Variants in LPIN2 observed in about 807,000 individuals in gnomAD.
LPIN2 encodes the protein phosphatidate phosphatase LPIN2.
Under a neutral mutation model 111.4 loss-of-function variants are expected in LPIN2, and 55 were observed. That is an observed-to-expected ratio of 0.49 (90% CI 0.40 to 0.62). The LOEUF is 0.62. Among genes scored for constraint, LPIN2 ranks in the 20% least tolerant of loss-of-function variants. The pLI is 0.00. For synonymous variants in LPIN2, 425 were observed against 414.0 expected (o/e 1.03, Z -0.32); for missense variants, 992 against 1,112.1 (o/e 0.89, Z 1.54).
intron 4 of LPIN2, 85 bp downstream of exon 4, chr18:2,950,970 T>C (rs1598559066): frequency 2.1e-6 from 3 of 1,406,836 alleles, no homozygotes; most frequent in East Asian, 2.3e-5. Flanking sequence ...CCTCACACTG[T>C]GTATCCATAA....
At chr18:3,006,064 C>T (rs1472023365) in intron 1 of LPIN2, among the ~76,000 whole-genome samples, 1 of 152,076 alleles carries the variant, frequency 6.6e-6, no homozygotes, top group African/African-American at 2.4e-5. Flanking sequence ...AGGGTTCTCA[C>T]CTAGAAAACA....
At chr18:2,944,814 G>A (rs959400573) in intron 4 of LPIN2, among the ~76,000 whole-genome samples, 4 of 152,162 alleles carry the variant, frequency 2.6e-5, no homozygotes, top group African/African-American at 9.7e-5. Flanking sequence ...ATTCAGGAAA[G>A]AGGTTTTTAA....
chr18:2,960,295 G>C (rs928497743), intron 2 of LPIN2, among the ~76,000 whole-genome samples: 3 of 150,610 alleles, frequency 2.0e-5, no homozygotes, highest in African/African-American at 7.3e-5. Context: ...TACTATATAA[G>C]GTAAAGGAAA....
intron 1 of LPIN2, among the ~76,000 whole-genome samples, chr18:2,969,668 G>T (rs984505602): frequency 6.6e-6 from 1 of 152,100 alleles, no homozygotes; most frequent in Non-Finnish European, 1.5e-5. Context: ...TAAGAATGTA[G>T]GTTCATTCAT....
intron 1 of LPIN2, among the ~76,000 whole-genome samples, chr18:2,984,560 G>T (rs1387830706): frequency 6.6e-6 from 1 of 151,890 alleles, no homozygotes; most frequent in African/African-American, 2.4e-5. Flanking sequence ...GAGAAAGAGA[G>T]ATTAAAGAGA....
chr18:2,971,729 A>G (rs1291275772), intron 1 of LPIN2, among the ~76,000 whole-genome samples: 9 of 143,744 alleles, frequency 6.3e-5, no homozygotes, highest in African/African-American at 2.3e-4. Flanking sequence ...AAGTGAAGAT[A>G]CATATAACCA....
intron 3 of LPIN2, among the ~76,000 whole-genome samples, chr18:2,953,397 T>C (rs1246838981): frequency 6.6e-6 from 1 of 152,156 alleles, no homozygotes; most frequent in African/African-American, 2.4e-5. Flanking sequence ...TTCATTCTGC[T>C]CTTTGCCTCT....
intron 5 of LPIN2, among the ~76,000 whole-genome samples, 164 bp downstream of exon 5, chr18:2,940,441 A>G (rs1158314365): frequency 6.6e-6 from 1 of 152,244 alleles, no homozygotes; most frequent in Non-Finnish European, 1.5e-5. Flanking sequence ...TTAGAAACAA[A>G]ATAATTATTG....
At chr18:2,994,986 G>C (rs2078320166) in intron 1 of LPIN2, among the ~76,000 whole-genome samples, 3 of 152,090 alleles carry the variant, frequency 2.0e-5, no homozygotes, top group African/African-American at 7.2e-5. Context: ...TCTCCCACTT[G>C]ATACAGACCT....
intron 1 of LPIN2, among the ~76,000 whole-genome samples, chr18:2,988,621 T>C (rs1021827923): frequency 3.9e-5 from 6 of 152,184 alleles, no homozygotes; most frequent in African/African-American, 1.4e-4. Flanking sequence ...AAAGCCTCAA[T>C]GCACTAAGTA....
At chr18:2,948,836 CAG>C (rs779129127) in intron 4 of LPIN2, among the ~76,000 whole-genome samples, 2 of 148,734 alleles carry the variant, frequency 1.3e-5, no homozygotes, top group Non-Finnish European at 3.0e-5. Context: ...TTTTTAAAGA[CAG>C]AGTCTTGCTC....
intron 4 of LPIN2, among the ~76,000 whole-genome samples, chr18:2,941,843 G>A (rs928699288): frequency 2.0e-5 from 3 of 152,178 alleles, no homozygotes; most frequent in African/African-American, 7.2e-5. Flanking sequence ...AGAACTGCTT[G>A]AACCCAGGAG....
intron 2 of LPIN2, 25 bp downstream of exon 2, chr18:2,960,624 T>C (rs760746721): frequency 6.2e-7 from 1 of 1,610,298 alleles, no homozygotes; most frequent in Non-Finnish European, 8.5e-7. Flanking sequence ...TCAGGATGAC[T>C]TTTCCTCTCC....
intron 1 of LPIN2, chr18:2,977,074 G>A (rs1397884990): frequency 6.6e-6 from 1 of 152,130 alleles, no homozygotes; most frequent in African/African-American, 2.4e-5. Context: ...CAGGTGTGGT[G>A]GCACGTACCT....
intron 7 of LPIN2, 41 bp downstream of exon 7, chr18:2,937,651 T>C: frequency 6.6e-7 from 1 of 1,516,302 alleles, no homozygotes; most frequent in Non-Finnish European, 9.1e-7. Context: ...ATTTACCATC[T>C]AATTTGAGAG....
chr18:2,980,616 T>C (rs2078094658), intron 1 of LPIN2, among the ~76,000 whole-genome samples: 1 of 152,236 alleles, frequency 6.6e-6, no homozygotes, highest in Non-Finnish European at 1.5e-5. Flanking sequence ...GAGGTGCCCA[T>C]GTCCTTTGAT....
chr18:2,939,496 A>T lies in LPIN2; in HGVS notation c.806T>A (p.Phe269Tyr). ...ESHMEWTWGG[F>Y]PESTKVSKRE... ...CCCTAGTACCTTGGTGGACTCTGGG[A>T]ATCCGCCCCACGTCCACTCCATGTG... Residue 269 changes from phenylalanine to tyrosine, a missense_variant, in exon 6 of 20, where the codon TTC becomes TAC. By Grantham distance (22) the Phe-to-Tyr change is conservative (BLOSUM62 3). Around this residue, in one of 4 missense-constraint regions of LPIN2, gnomAD observed 709 missense variants for 753.2 expected, o/e 0.94. Coordinates refer to ENST00000677752, the MANE Select transcript of LPIN2 (RefSeq NM_001375808.2). 1 of 1,613,954 alleles carries T rather than the reference A, an allele frequency of 6.2e-7. No homozygotes were observed. The highest frequency in any genetic ancestry group is 8.5e-7 in the Non-Finnish European group (1 of 1,179,868).
intron 1 of LPIN2, among the ~76,000 whole-genome samples, chr18:2,988,286 G>C (rs1209026638): frequency 6.6e-6 from 1 of 152,016 alleles, no homozygotes; most frequent in African/African-American, 2.4e-5. Flanking sequence ...ATGCTCTTCA[G>C]GAGAAACGGC....
intron 1 of LPIN2, among the ~76,000 whole-genome samples, chr18:2,996,757 G>A (rs2078351694): frequency 2.0e-5 from 3 of 151,944 alleles, no homozygotes; most frequent in Admixed American, 2.0e-4. Context: ...GATTACAGGC[G>A]TGAGCCACCA....
Sources: gnomAD v4.1 joint callset for allele counts (sites outside exome capture counted in the v4.1 genomes callset) on GRCh38, gnomAD v4.1.1 for gene constraint, gnomAD v4.1.1 regional missense constraint, MANE v1.5 for transcripts, NCBI Gene and HGNC (gene_info 2026-07-23, HGNC 2026-07-21) for gene names.